Variants in SCN10A observed in about 807,000 individuals in gnomAD.
The protein encoded by SCN10A is sodium channel protein type 10 subunit alpha.
In SCN10A, 162 loss-of-function variants were observed where a neutral mutation model predicts 170.7. The observed-to-expected ratio is 0.95, with a 90% CI of 0.84 to 1.08. The LOEUF is 1.08. Ranked by LOEUF, SCN10A falls within the 50% of genes least tolerant of loss-of-function variation. SCN10A has a pLI of 0.00. For synonymous variants in SCN10A, 985 were observed against 904.6 expected (o/e 1.09, Z -1.59); for missense variants, 2,527 against 2,436.9 (o/e 1.04, Z -0.78).
rs1331252386 is a variant in SCN10A, at chr3:38,707,366, G to T, written c.4299C>A (p.Ile1433=). ...QQKKKLGGQD[I]FMTEEQKKYY... ...ATTTCTTCTGCTCCTCTGTCATGAA[G>T]ATGTCCTGGCCCCCTAAGTGCAGAG... is the stretch of plus-strand genomic sequence containing the variant. The change falls in exon 26 of 28, where the codon ATC becomes ATA. Residue 1433 remains isoleucine, a synonymous_variant. Transcript: ENST00000449082. The T allele has an allele frequency of 3.7e-6, 6 of 1,614,162 alleles. No homozygotes were observed. The highest frequency in any genetic ancestry group is 5.1e-6 in the Non-Finnish European group (6 of 1,180,014).
At position 38,697,248 on chromosome 3, in the gene SCN10A, A is replaced by G; in HGVS notation, c.*101T>C. 3 of 1,527,144 alleles carry G rather than the reference A, an allele frequency of 2.0e-6. No homozygotes were observed. In the African/African-American group the frequency reaches 4.1e-5, roughly 21 times the overall value. 94.6% of individuals were successfully genotyped at this position (1,527,144 alleles called of 1,614,324 possible). The stretch of plus-strand genomic sequence containing the variant: ...TCTGACATTGTGACCAGTGGCATGC[A>G]TTGGTGAGGCTGTAGCTGGGTGTGA... On this transcript the variant is annotated 3_prime_UTR_variant, in exon 28 of 28. Coordinates refer to ENST00000449082, the MANE Select transcript of SCN10A (RefSeq NM_006514.4).
At chr3:38,724,002 G>A (rs2063426138) in intron 18 of SCN10A, among the ~76,000 whole-genome samples, 1 of 152,126 alleles carries the variant, frequency 6.6e-6, no homozygotes, top group Admixed American at 6.5e-5. Context: ...GCCTAGCCGG[G>A]GTCATGGACA....
chr3:38,747,116 T>C (rs1351707598), intron 13 of SCN10A, among the ~76,000 whole-genome samples: 3 of 152,198 alleles, frequency 2.0e-5, no homozygotes, highest in African/African-American at 7.2e-5. Context: ...ACCTCTTTTA[T>C]TTAACCTAAG....
chr3:38,718,991 A>G (rs2063361069), intron 20 of SCN10A, among the ~76,000 whole-genome samples, 165 bp from the exon 21 acceptor site: 1 of 152,206 alleles, frequency 6.6e-6, no homozygotes, highest in African/African-American at 2.4e-5. Context: ...GTAAAGTGGG[A>G]TAGTGGAGGA....
At chr3:38,761,406 T>C (rs755688608) in intron 6 of SCN10A, 23 bp from the exon 7 acceptor site, 2 of 1,602,516 alleles carry the variant, frequency 1.2e-6, no homozygotes, top group East Asian at 4.5e-5. Flanking sequence ...GACAGTGGTA[T>C]GACCACATGG....
At chr3:38,760,647 G>A in intron 8 of SCN10A, 34 bp downstream of exon 8, 1 of 1,543,450 alleles carries the variant, frequency 6.5e-7, no homozygotes, top group Non-Finnish European at 9.0e-7. Context: ...GGAATTGTTG[G>A]GCACTCGTGC....
At chr3:38,717,635 G>A (rs1185888839) in intron 21 of SCN10A, among the ~76,000 whole-genome samples, 2 of 152,222 alleles carry the variant, frequency 1.3e-5, no homozygotes, top group African/African-American at 4.8e-5. Flanking sequence ...GCCAGCACAG[G>A]AGGCTGGACA....
chr3:38,813,042 A>G (rs1339318257), intron 1 of SCN10A, among the ~76,000 whole-genome samples: 2 of 152,084 alleles, frequency 1.3e-5, no homozygotes, highest in African/African-American at 4.8e-5. Context: ...CAAATAAATA[A>G]ATAAATAAAT....
chr3:38,809,445 G>C (rs2064425663), intron 1 of SCN10A, among the ~76,000 whole-genome samples: 1 of 152,198 alleles, frequency 6.6e-6, no homozygotes. Context: ...GGAGGTTATG[G>C]GGTTAGATGG....
At position 38,756,951 on chromosome 3, in the gene SCN10A, A is replaced by AAGCAC. The variant is rs1398619064; in HGVS notation, c.1092+62_1092+66dup. The AAGCAC allele has an allele frequency of 1.9e-6, 3 of 1,606,452 alleles. No homozygotes were observed. In the African/African-American group the frequency reaches 4.0e-5, roughly 22 times the overall value. On this transcript the variant is annotated intron_variant, in intron 9 of 27. Coordinates refer to ENST00000449082, the MANE Select transcript of SCN10A (RefSeq NM_006514.4). ...AATTTAAGTCAGCCTCCTCCAGGAA[A>AAGCAC]AGCACAGCCATGCAGCTGACCCACC...
intron 4 of SCN10A, among the ~76,000 whole-genome samples, chr3:38,772,407 T>C (rs1304626090): frequency 6.6e-6 from 1 of 151,948 alleles, no homozygotes; most frequent in Non-Finnish European, 1.5e-5. Context: ...AAAACTGTAT[T>C]GGCCAGGCGC....
At chr3:38,749,104 C>T (rs1472404993) in intron 13 of SCN10A, among the ~76,000 whole-genome samples, 1 of 152,224 alleles carries the variant, frequency 6.6e-6, no homozygotes, top group East Asian at 1.9e-4. Context: ...AGGCTTGCCA[C>T]CTCTGGCTTT....
chr3:38,790,602 C>T (rs2064268796), intron 3 of SCN10A, among the ~76,000 whole-genome samples: 1 of 151,552 alleles, frequency 6.6e-6, no homozygotes, highest in Non-Finnish European at 1.5e-5. Context: ...TTTGAAAAAG[C>T]AACAACTACC....
intron 4 of SCN10A, among the ~76,000 whole-genome samples, chr3:38,776,286 GC>G (rs2064073502): frequency 6.6e-6 from 1 of 152,014 alleles, no homozygotes; most frequent in Admixed American, 6.6e-5. Context: ...TACAATGGAG[GC>G]CATTCATTAC....
At chr3:38,789,727 G>A (rs1303325903) in intron 3 of SCN10A, among the ~76,000 whole-genome samples, 1 of 152,042 alleles carries the variant, frequency 6.6e-6, no homozygotes. Flanking sequence ...CTAGAGTGGA[G>A]AATATTGACA....
intron 1 of SCN10A, among the ~76,000 whole-genome samples, chr3:38,803,224 T>C (rs1228635180): frequency 6.6e-6 from 1 of 152,202 alleles, no homozygotes; most frequent in Non-Finnish European, 1.5e-5. Context: ...AGTTCAACCA[T>C]TGTGGAAGAC....
intron 27 of SCN10A, among the ~76,000 whole-genome samples, chr3:38,701,413 G>A (rs2063154640): frequency 6.6e-6 from 1 of 152,084 alleles, no homozygotes; most frequent in African/African-American, 2.4e-5. Flanking sequence ...CACTTTGATG[G>A]CAATCCATCT....
At chr3:38,813,952 G>T (rs1236358056) in intron 1 of SCN10A, among the ~76,000 whole-genome samples, 5 of 152,192 alleles carry the variant, frequency 3.3e-5, no homozygotes, top group Non-Finnish European at 1.5e-5. Flanking sequence ...AGCACTTACT[G>T]GGCTGCTAAT....
intron 4 of SCN10A, among the ~76,000 whole-genome samples, chr3:38,782,410 C>A (rs1410974997): frequency 6.6e-6 from 1 of 152,040 alleles, no homozygotes; most frequent in African/African-American, 2.4e-5. Flanking sequence ...CTTCTCCACC[C>A]ACTTTTGGTC....
Sources: gnomAD v4.1 joint callset for allele counts (sites outside exome capture counted in the v4.1 genomes callset) on GRCh38, gnomAD v4.1.1 for gene constraint, MANE v1.5 for transcripts, NCBI Gene and HGNC (gene_info 2026-07-23, HGNC 2026-07-21) for gene names.